The following CNKSR2 variants were observed in gnomAD, a reference collection of about 807,000 sequenced individuals.
The protein encoded by CNKSR2 is CNK homolog protein 2.
In CNKSR2, 14 loss-of-function variants were observed where a neutral mutation model predicts 84.4. That is an observed-to-expected ratio of 0.17 (90% CI 0.11 to 0.26). The LOEUF (loss-of-function observed/expected upper bound fraction) is 0.26, where lower values mean the gene tolerates loss of function less well. CNKSR2 is among the 10% of genes least tolerant of loss of function. The pLI is 1.00. For missense variants in CNKSR2, 485 were observed against 771.2 expected (o/e 0.63, Z 4.40); for synonymous variants, 275 against 277.9 (o/e 0.99, Z 0.10).
At chrX:21,449,165 A>G (rs977224466) in intron 4 of CNKSR2, among the ~76,000 whole-genome samples, 1 of 109,492 alleles carries the variant, frequency 9.1e-6, no homozygotes, top group Non-Finnish European at 1.9e-5. Context: ...TTAGCCAGGC[A>G]TGGTGGTTCA....
intron 1 of CNKSR2, among the ~76,000 whole-genome samples, chrX:21,404,269 G>A (rs1390732525): frequency 1.8e-5 from 2 of 111,431 alleles, no homozygotes; most frequent in South Asian, 3.8e-4. Context: ...TAGGGTTTAT[G>A]TGTGTACAGT....
At chrX:21,609,949 T>G (rs1225565792) in intron 20 of CNKSR2, among the ~76,000 whole-genome samples, 1 of 111,903 alleles carries the variant, frequency 8.9e-6, no homozygotes, top group Admixed American at 9.5e-5. Flanking sequence ...ACCATCTCAC[T>G]GGCCCACAGT....
intron 20 of CNKSR2, among the ~76,000 whole-genome samples, chrX:21,635,378 A>ATGTG (rs74314224): frequency 3.0e-4 from 28 of 94,726 alleles, no homozygotes; most frequent in South Asian, 2.9e-3. Flanking sequence ...TCTAAAATAA[A>ATGTG]TGTGTGTGTG....
intron 20 of CNKSR2, among the ~76,000 whole-genome samples, chrX:21,633,024 C>CAT: frequency 9.1e-6 from 1 of 109,527 alleles, no homozygotes; most frequent in South Asian, 3.8e-4. Context: ...CACACACACA[C>CAT]ATACAGATTA....
At chrX:21,552,737 T>C (rs1298321148) in intron 11 of CNKSR2, among the ~76,000 whole-genome samples, 5 of 112,231 alleles carry the variant, frequency 4.5e-5, no homozygotes, top group South Asian at 7.4e-4. Context: ...TAAGAAAAAC[T>C]ATCTAGAAAG....
Position 21,374,630 on chromosome X carries a change from A to AGCAGCAGCAGCAGCAGCCGCCGCC in CNKSR2, c.-266_-265insAGCAGCAGCAGCAGCCGCCGCCGC, listed in dbSNP as rs547454548. 1 of 448,646 alleles carries AGCAGCAGCAGCAGCAGCCGCCGCC rather than the reference A, an allele frequency of 2.2e-6. No homozygotes were observed. Among genetic ancestry groups the AGCAGCAGCAGCAGCAGCCGCCGCC allele is most frequent in the South Asian group, 2.8e-5 (1 of 35,351 alleles). 37.0% of individuals were successfully genotyped at this position (448,646 alleles called of 1,213,427 possible). A position where few individuals can be genotyped will look rare whatever the true frequency, so the allele number is the denominator to read the frequency against. ...CAGCAGCAGCAGCAGCAGCAGCAGC[A>AGCAGCAGCAGCAGCAGCCGCCGCC]GCCGCCGCCGCCGCCGCCTTAGCGG... On this transcript the variant is annotated 5_prime_UTR_variant, in exon 1 of 22. Coordinates refer to ENST00000379510, the MANE Select transcript of CNKSR2 (RefSeq NM_014927.5).
chrX:21,513,053 T>C (rs539262019), intron 8 of CNKSR2, among the ~76,000 whole-genome samples: 1 of 112,272 alleles, frequency 8.9e-6, no homozygotes, highest in South Asian at 3.7e-4. Context: ...AACATAGATA[T>C]GAAGAATCTA....
intron 11 of CNKSR2, among the ~76,000 whole-genome samples, chrX:21,548,870 A>C (rs771243283): frequency 9.8e-5 from 11 of 112,245 alleles, no homozygotes; most frequent in Admixed American, 9.4e-4. Context: ...AAAATTCAGC[A>C]CCCCTTCATG....
intron 17 of CNKSR2, among the ~76,000 whole-genome samples, chrX:21,598,691 G>A (rs1005600924): frequency 8.9e-6 from 1 of 112,119 alleles, no homozygotes; most frequent in African/African-American, 3.2e-5. Flanking sequence ...TTGCTTGCTT[G>A]TCTGTTTTTA....
chrX:21,650,007 T>G (rs755267219), intron 21 of CNKSR2, among the ~76,000 whole-genome samples: 33 of 111,659 alleles, frequency 3.0e-4, no homozygotes, highest in Admixed American at 4.7e-4. Flanking sequence ...CATTGTGGAA[T>G]ACAGTGTGGC....
At chrX:21,578,971 A>G (rs905685196) in intron 13 of CNKSR2, among the ~76,000 whole-genome samples, 11 of 111,797 alleles carry the variant, frequency 9.8e-5, no homozygotes, top group African/African-American at 3.6e-4. Context: ...ACCCTTCTCC[A>G]TGGAGATTCA....
At chrX:21,420,997 T>A (rs1159761894) in intron 1 of CNKSR2, among the ~76,000 whole-genome samples, 1 of 111,567 alleles carries the variant, frequency 9.0e-6, no homozygotes, top group Non-Finnish European at 1.9e-5. Flanking sequence ...TTCAAGTTTA[T>A]TTATTTAAAT....
intron 1 of CNKSR2, among the ~76,000 whole-genome samples, chrX:21,394,873 T>C (rs765603684): frequency 2.7e-5 from 3 of 111,643 alleles, no homozygotes; most frequent in Admixed American, 1.9e-4. Flanking sequence ...GTGACAGAAA[T>C]GTATTGACTT....
At chrX:21,580,909 C>T (rs1392454467) in intron 13 of CNKSR2, among the ~76,000 whole-genome samples, 2 of 111,701 alleles carry the variant, frequency 1.8e-5, no homozygotes, top group Non-Finnish European at 3.8e-5. Flanking sequence ...TTCTGTCAAA[C>T]AGAAGTGTCA....
At chrX:21,645,322 TCTTTG>T (rs2092703791) in intron 20 of CNKSR2, 1 of 112,146 alleles carries the variant, frequency 8.9e-6, no homozygotes, top group Admixed American at 9.5e-5. Context: ...TTATATGCAC[TCTTTG>T]CTTCAATAAA....
chrX:21,557,276 C>T (rs1270339482), intron 11 of CNKSR2, among the ~76,000 whole-genome samples: 1 of 111,196 alleles, frequency 9.0e-6, no homozygotes, highest in African/African-American at 3.3e-5. Flanking sequence ...TACAGCACTT[C>T]ATCATTGTCT....
intron 11 of CNKSR2, among the ~76,000 whole-genome samples, chrX:21,533,887 A>G (rs2091905890): frequency 9.0e-6 from 1 of 111,092 alleles, no homozygotes; most frequent in South Asian, 3.7e-4. Context: ...AAATCAGGGT[A>G]ATTAGCATAT....
rs187539368 is a variant in CNKSR2 at position 21,614,784 on chromosome X, A to G, written c.2692+5167A>G. Among the ~76,000 whole-genome samples, 312 of 111,395 alleles carry G rather than the reference A, an allele frequency of 2.8e-3. 1 individual carries two copies. Among genetic ancestry groups the G allele is most frequent in the Middle Eastern group, 0.014 (3 of 214 alleles). Reference sequence around the variant, plus strand: ...AAAGTTATTAACTTACAGGAAGTTCAGAGGTGGGGTTGTTCTGGGGTGAAT... The same window carrying G: ...AAAGTTATTAACTTACAGGAAGTTCGGAGGTGGGGTTGTTCTGGGGTGAAT... On this transcript the variant is annotated intron_variant, in intron 20 of 21. Transcript: ENST00000379510.
At chrX:21,383,135 C>G (rs969270342) in intron 1 of CNKSR2, among the ~76,000 whole-genome samples, 10 of 112,434 alleles carry the variant, frequency 8.9e-5, no homozygotes, top group Non-Finnish European at 1.9e-4. Context: ...CTTAAATGCT[C>G]TAGCTAGTAC....
Sources: allele counts gnomAD v4.1 joint callset (sites outside exome capture counted in the v4.1 genomes callset), GRCh38; gene constraint gnomAD v4.1.1; transcripts MANE v1.5; gene names NCBI Gene and HGNC (gene_info 2026-07-23, HGNC 2026-07-21).